The following GNLY variants were observed in gnomAD, a reference collection of about 807,000 sequenced individuals.
The protein encoded by GNLY is granulysin, also known as T-cell activation protein 519.
A neutral mutation model predicts 18.5 loss-of-function variants in GNLY; 15 were observed. The observed-to-expected ratio is 0.81, with a 90% confidence interval of 0.54 to 1.25. GNLY has a LOEUF of 1.25. Among genes scored for constraint, GNLY ranks in the 50% most tolerant of loss-of-function variants. GNLY has a pLI of 0.00. For synonymous variants in GNLY, 77 were observed against 74.9 expected, an observed-to-expected ratio of 1.03 and a Z score of -0.14; for missense variants, 178 against 186.9, an observed-to-expected ratio of 0.95 and a Z score of 0.28.
intron 3 of GNLY, chr2:85,697,272 C>A: frequency 1.9e-6 from 1 of 525,778 alleles, no homozygotes; most frequent in South Asian, 2.3e-5. Flanking sequence ...GCTGAGACCC[C>A]AGCAGGGCTA....
In GNLY at chr2:85,694,478, C is replaced by G. The variant is rs1267494361; in HGVS notation, c.52+8C>G. On this transcript the variant is annotated splice_region_variant and intron_variant, in intron 1 of 4. Transcript: ENST00000263863. Reference sequence around the variant, plus strand: ...TGCTCCTGGGCAACCCAGGTAAGGCCTTCCCCTCGGGATCGATCCTGATGG... The same window carrying G: ...TGCTCCTGGGCAACCCAGGTAAGGCGTTCCCCTCGGGATCGATCCTGATGG... The G allele has an allele frequency of 1.9e-6, 3 of 1,613,590 alleles. No homozygotes were observed. Among genetic ancestry groups the G allele is most frequent in the South Asian group, 1.1e-5 (1 of 91,032 alleles).
chr2:85,694,726 G>T lies in GNLY; in HGVS notation c.52+256G>T. On this transcript the variant is annotated intron_variant, in intron 1 of 4. Transcript: ENST00000263863. Reference sequence around the variant, plus strand: ...CTAACTCTACTGGCCACACTGTGTGGCCTGAGACCCCCCTTTCCCTCCCAA... The same window carrying T: ...CTAACTCTACTGGCCACACTGTGTGTCCTGAGACCCCCCTTTCCCTCCCAA... 2 of 1,438,128 alleles carry T rather than the reference G, an allele frequency of 1.4e-6. 1 individual carries two copies. Among genetic ancestry groups the T allele is most frequent in the East Asian group, 5.0e-5 (2 of 40,114 alleles). 89.1% of individuals were successfully genotyped at this position (1,438,128 alleles called of 1,614,324 possible).
At position 85,695,397 on chromosome 2, in the gene GNLY, C is replaced by T; in HGVS notation, c.130C>T (p.Pro44Ser). The T allele has an allele frequency of 6.2e-7, 1 of 1,612,308 alleles. No individual in the cohort carries two copies. The highest frequency in any genetic ancestry group is 8.5e-7 in the Non-Finnish European group (1 of 1,178,314). Residue 44 changes from proline to serine, a missense_variant, in exon 2 of 5, where the codon CCG becomes TCG. Physicochemically the swap from Pro to Ser is moderately conservative, Grantham distance 74. Transcript: ENST00000263863. ...CCTGCGTGATGAGGAGAAATCCTGC[C>T]CGTGCCTGGCCCAGGAGGGCCCCCA... ...AHLRDEEKSC[P>S]CLAQEGPQGD...
intron 2 of GNLY, 62 bp downstream of exon 2, chr2:85,695,485 T>A: frequency 1.0e-6 from 1 of 998,736 alleles, no homozygotes; most frequent in Non-Finnish European, 1.6e-6. Flanking sequence ...CCCTGGTGGC[T>A]CCTGGGGTGA....
At position 85,698,697 on chromosome 2, in the gene GNLY, T is replaced by C; in HGVS notation, c.*123T>C. On this transcript the variant is annotated 3_prime_UTR_variant, in exon 5 of 5. Coordinates refer to ENST00000263863, the MANE Select transcript of GNLY (RefSeq NM_006433.5). ...AATCCACTCTCCAGTCTCCCTCCCC[T>C]GACTCCCTCTGCTGTCCTCCCCTCT... The C allele has an allele frequency of 6.3e-7, 1 of 1,594,398 alleles. No homozygotes were observed. The highest frequency in any genetic ancestry group is 8.5e-7 in the Non-Finnish European group (1 of 1,173,428).
intron 1 of GNLY, chr2:85,695,034 A>G: frequency 6.4e-7 from 1 of 1,565,946 alleles, no homozygotes; most frequent in Non-Finnish European, 8.7e-7. Context: ...GATTGAGGGA[A>G]GTTTCTAGAC....
chr2:85,696,277 T>C (rs1678446970), intron 3 of GNLY: 1 of 521,172 alleles, frequency 1.9e-6, no homozygotes, highest in African/African-American at 1.9e-5. Context: ...CGGCAGAGTA[T>C]ACATGGTTTT....
At chr2:85,697,776 T>A (rs1437742) in intron 4 of GNLY, 99 bp downstream of exon 4, 309,448 of 784,932 alleles carry the variant, frequency 0.39, 63,468 homozygotes, top group East Asian at 0.58. Flanking sequence ...ATCTCCCAGC[T>A]TGGGAAAGTG....
intron 1 of GNLY, chr2:85,694,894 C>A: frequency 6.4e-7 from 1 of 1,551,828 alleles, no homozygotes; most frequent in Non-Finnish European, 8.7e-7. Context: ...CTTCCTGCCC[C>A]CTGCACCCTG....
chr2:85,697,185 G>T (rs1010089671), intron 3 of GNLY: 4 of 292,378 alleles, frequency 1.4e-5, no homozygotes, highest in Non-Finnish European at 2.6e-5. Flanking sequence ...GTAGCTACAT[G>T]GCAGAGCATT....
At chr2:85,694,800 G>A (rs989584294) in intron 1 of GNLY, 24 of 1,452,060 alleles carry the variant, frequency 1.7e-5, no homozygotes, top group Non-Finnish European at 2.2e-5. Context: ...CCTCATCGGT[G>A]GATCTGCGTT....
chr2:85,696,267 C>A, intron 3 of GNLY: 1 of 552,992 alleles, frequency 1.8e-6, no homozygotes, highest in Admixed American at 3.3e-5. Context: ...GTAAGTCAGA[C>A]GGCAGAGTAT....
rs1407534110 is a variant in GNLY at position 85,695,163 on chromosome 2, C to T, written c.53-157C>T. The T allele has an allele frequency of 8.3e-6, 7 of 841,966 alleles. No individual in the cohort carries two copies. The Admixed American group carries it at 1.1e-4, about 13-fold the overall frequency. 52.2% of individuals were successfully genotyped at this position (841,966 alleles called of 1,614,324 possible). On this transcript the variant is annotated intron_variant, in intron 1 of 4. Transcript: ENST00000263863. ...TTGTGCTGAGAGTGGGTCAGAGCGG[C>T]TCCAGGGCAAAGCATGTGGACAGGT... is the stretch of plus-strand genomic sequence containing the variant.
chr2:85,695,346 G>A lies in GNLY; in HGVS notation c.79G>A (p.Glu27Lys). Residue 27 changes from glutamate (E) to lysine (K), a missense_variant, in exon 2 of 5, where the codon GAG becomes AAG. Transcript: ENST00000263863. The part of the protein sequence containing the change: ...PGLVFSRLSP[E>K]YYDLARAHLR... Reference sequence around the variant, plus strand: ...TCTGGTCTTCTCTCGTCTGAGCCCTGAGTACTACGACCTGGCAAGAGCCCA... The same window carrying A: ...TCTGGTCTTCTCTCGTCTGAGCCCTAAGTACTACGACCTGGCAAGAGCCCA... 2 of 1,613,394 alleles carry A rather than the reference G, an allele frequency of 1.2e-6. No individual in the cohort carries two copies. The highest frequency in any genetic ancestry group is 1.7e-6 in the Non-Finnish European group (2 of 1,179,274).
Position 85,698,737 on chromosome 2 carries a change from G to A in GNLY, c.*163G>A. On this transcript the variant is annotated 3_prime_UTR_variant, in exon 5 of 5. Transcript: ENST00000263863. ...TCCTCCCCTCTCACGAGAATAAAGT[G>A]TCAAGCAAGATTTTAGCCGCAGCTG... 6.5e-7 allele frequency: 1 copy of A among 1,539,444 alleles called. No individual in the cohort carries two copies. The highest frequency in any genetic ancestry group is 8.7e-7 in the Non-Finnish European group (1 of 1,146,432).
At chr2:85,696,309 G>T (rs1678447991) in intron 3 of GNLY, 1 of 440,142 alleles carries the variant, frequency 2.3e-6, no homozygotes, top group South Asian at 3.2e-5. Flanking sequence ...CTCAAAGAGG[G>T]CTTGTCCCAG....
In GNLY at chr2:85,695,971, C is replaced by T; in HGVS notation, c.170C>T (p.Thr57Ile). 6.2e-7 allele frequency: 1 copy of T among 1,606,090 alleles called. No homozygotes were observed. The change falls in exon 3 of 5, where the codon ACC becomes ATC. Residue 57 changes from threonine (T) to isoleucine (I), a missense_variant. Coordinates refer to ENST00000263863, the MANE Select transcript of GNLY (RefSeq NM_006433.5). Reference sequence around the variant, plus strand: ...CTTTCCTGACAGGGTGACCTGTTGACCAAAACACAGGAGCTGGGCCGTGAC... The same window carrying T: ...CTTTCCTGACAGGGTGACCTGTTGATCAAAACACAGGAGCTGGGCCGTGAC... ...AQEGPQGDLL[T>I]KTQELGRDYR...
chr2:85,697,269 C>A (rs1467872032), intron 3 of GNLY: 8 of 517,840 alleles, frequency 1.5e-5, no homozygotes, highest in Non-Finnish European at 2.8e-5. Flanking sequence ...GGCGCTGAGA[C>A]CCCAGCAGGG....
Position 85,697,560 on chromosome 2 carries a change from C to T in GNLY, c.310C>T (p.Arg104Cys), listed in dbSNP as rs751588471. Residue 104 changes from arginine to cysteine, a missense_variant, in exon 4 of 5, where the codon CGC (arginine) becomes TGC (cysteine). Coordinates refer to ENST00000263863, the MANE Select transcript of GNLY (RefSeq NM_006433.5). Reference protein sequence around the residue: ...RVCRTGRSRWRDVCRNFMRRY... With the variant: ...RVCRTGRSRWCDVCRNFMRRY... ...GTGTAGGACGGGGAGGTCACGATGG[C>T]GCGACGTCTGCAGAAATTTCATGAG... The T allele has an allele frequency of 1.6e-4, 259 of 1,612,904 alleles. No individual in the cohort carries two copies. Among genetic ancestry groups the T allele is most frequent in the Non-Finnish European group, 2.0e-4 (236 of 1,179,474 alleles).
Sources: allele counts gnomAD v4.1 joint callset, GRCh38; gene constraint gnomAD v4.1.1; transcripts MANE v1.5; gene names NCBI Gene and HGNC (gene_info 2026-07-23, HGNC 2026-07-21).